Variants in OSBPL3 observed in about 807,000 individuals in gnomAD.
OSBPL3 encodes the protein oxysterol binding protein like 3.
In OSBPL3, 65 loss-of-function variants were observed where a neutral mutation model predicts 120.1. That is an observed-to-expected ratio of 0.54 (90% CI 0.44 to 0.67). The LOEUF (loss-of-function observed/expected upper bound fraction) is 0.67, where lower values mean the gene tolerates loss of function less well. Among genes scored for constraint, OSBPL3 ranks in the 30% least tolerant of loss-of-function variants. The pLI is 0.00. For synonymous variants in OSBPL3, 416 were observed against 402.6 expected, an observed-to-expected ratio of 1.03 and a Z score of -0.40; for missense variants, 1,004 against 1,082.1, an observed-to-expected ratio of 0.93 and a Z score of 1.01.
rs776929132 is a variant in OSBPL3, at chr7:24,896,632, T to C, written c.-149-4011A>G. 8.5e-5 allele frequency among the ~76,000 whole-genome samples: 13 copies of C among 152,234 alleles called. No homozygotes were observed. Among genetic ancestry groups the C allele is most frequent in the Non-Finnish European group, 1.6e-4 (11 of 68,038 alleles). On this transcript the variant is annotated intron_variant, in intron 1 of 22. Transcript: ENST00000313367. The surrounding 1 kb of genome is among the most constrained non-coding windows in gnomAD (Gnocchi z 4.4). Reference sequence around the variant, plus strand: ...GATGTAAAGGTGACATCACATACTATATATGTGTGCTGGAAGGAGTCAGAC... The same window carrying C: ...GATGTAAAGGTGACATCACATACTACATATGTGTGCTGGAAGGAGTCAGAC...
chr7:24,897,297 CA>C (rs1476533861), intron 1 of OSBPL3, among the ~76,000 whole-genome samples: 1 of 147,642 alleles, frequency 6.8e-6, no homozygotes, highest in African/African-American at 2.5e-5. Context: ...CCTTCAACTA[CA>C]AACAAATAAA....
rs1793075709 is a variant in OSBPL3 at position 24,806,627 on chromosome 7, AT to A, written c.2444+148del. 1 of 650,856 alleles carries A rather than the reference AT, an allele frequency of 1.5e-6. No homozygotes were observed. Among genetic ancestry groups the A allele is most frequent in the African/African-American group, 1.8e-5 (1 of 54,626 alleles). 40.3% of individuals were successfully genotyped at this position (650,856 alleles called of 1,614,324 possible). ...CTAGTTGGGCCCCATCTCCTCCGTG[AT>A]ACAATTGTTTAAAGCATCCCCACCT... On this transcript the variant is annotated intron_variant, in intron 21 of 22. Coordinates refer to ENST00000313367, the MANE Select transcript of OSBPL3 (RefSeq NM_015550.4). The surrounding 1 kb of genome is among the most constrained non-coding windows in gnomAD (Gnocchi z 5.2).
rs1388489827 is a variant in OSBPL3 at position 24,854,529 on chromosome 7, C to CACACAA, written c.1028-1896_1028-1895insTTGTGT. ...ACACACACACACACACACACACACA[C>CACACAA]ACACACACAAACACACACAATGGTG... On this transcript the variant is annotated intron_variant, in intron 10 of 22. Coordinates refer to ENST00000313367, the MANE Select transcript of OSBPL3 (RefSeq NM_015550.4). The surrounding 1 kb of genome is among the most constrained non-coding windows in gnomAD (Gnocchi z 4.1). Among the ~76,000 whole-genome samples the CACACAA allele has an allele frequency of 1.6e-4, 24 of 146,898 alleles. No individual in the cohort carries two copies. Among genetic ancestry groups the CACACAA allele is most frequent in the African/African-American group, 5.9e-4 (24 of 40,532 alleles).
chr7:24,824,472 G>A lies in OSBPL3; in HGVS notation c.1885-4234C>T, dbSNP rs1029278137. On this transcript the variant is annotated intron_variant, in intron 16 of 22. Transcript: ENST00000313367. The surrounding 1 kb of genome is among the most constrained non-coding windows in gnomAD (Gnocchi z 4.9). ...AGTTCTCCCCTGCAACTGCTCCAAG[G>A]CATAACTATCCAGTCCTCCTAGGTC... 2.6e-5 allele frequency among the ~76,000 whole-genome samples: 4 copies of A among 152,070 alleles called. No homozygotes were observed. Among genetic ancestry groups the A allele is most frequent in the Admixed American group, 2.6e-4 (4 of 15,268 alleles).
Position 24,849,254 on chromosome 7 carries a change from C to T in OSBPL3, c.1159-78G>A, listed in dbSNP as rs942131626. 48 of 1,064,902 alleles carry T rather than the reference C, an allele frequency of 4.5e-5. No individual in the cohort carries two copies. Among genetic ancestry groups the T allele is most frequent in the Non-Finnish European group, 6.4e-5 (45 of 705,544 alleles). 66.0% of individuals were successfully genotyped at this position (1,064,902 alleles called of 1,614,324 possible). On this transcript the variant is annotated intron_variant, in intron 11 of 22. Coordinates refer to ENST00000313367, the MANE Select transcript of OSBPL3 (RefSeq NM_015550.4). The surrounding 1 kb of genome is among the most constrained non-coding windows in gnomAD (Gnocchi z 5.4). ...AGCACAGCAGTGGGCCCTGCAGGAG[C>T]GATCTCTAAGAGCTTGATGAAACTC...
Position 24,922,897 on chromosome 7 carries a change from G to T in OSBPL3, c.-149-30276C>A, listed in dbSNP as rs551520118. Among the ~76,000 whole-genome samples the T allele has an allele frequency of 1.3e-5, 2 of 151,878 alleles. No individual in the cohort carries two copies. Among genetic ancestry groups the T allele is most frequent in the East Asian group, 3.9e-4 (2 of 5,166 alleles). On this transcript the variant is annotated intron_variant, in intron 1 of 22. Coordinates refer to ENST00000313367, the MANE Select transcript of OSBPL3 (RefSeq NM_015550.4). The surrounding 1 kb of genome is among the most constrained non-coding windows in gnomAD (Gnocchi z 4.3). ...AAAGCAAGCTTATTACTTTAGGGTCGATGCAGCAAACAAACAAAAAAGCAA... is the reference window on the plus strand; with the variant it reads ...AAAGCAAGCTTATTACTTTAGGGTCTATGCAGCAAACAAACAAAAAAGCAA...
At chr7:24,927,185 T>C (rs566440078) in intron 1 of OSBPL3, among the ~76,000 whole-genome samples, 1 of 152,324 alleles carries the variant, frequency 6.6e-6, no homozygotes, top group Admixed American at 6.5e-5. Context: ...TAGTCCTAGA[T>C]ATCTCTGAAA....
Position 24,798,972 on chromosome 7 carries a change from G to T in OSBPL3, c.*1211C>A, listed in dbSNP as rs548965257. 2 of 152,680 alleles carry T rather than the reference G, an allele frequency of 1.3e-5. No individual in the cohort carries two copies. Among genetic ancestry groups the T allele is most frequent in the South Asian group, 4.1e-4 (2 of 4,824 alleles). The allele number at this position is 152,680 out of a possible 1,614,324, so 9.5% of individuals were successfully genotyped here. A position where few individuals can be genotyped will look rare whatever the true frequency, so the allele number is the denominator to read the frequency against. On this transcript the variant is annotated 3_prime_UTR_variant, in exon 23 of 23. Transcript: ENST00000313367. This position sits in a 1 kb window ranked among gnomAD's most constrained non-coding sequence, Gnocchi z 4.6. The stretch of plus-strand genomic sequence containing the variant: ...TAAAAAGACGAAGGTTCCCCTTTCA[G>T]TAGTTATAATCTGTATTATTCAAGA...
Position 24,831,675 on chromosome 7 carries a change from C to T in OSBPL3, c.1747-770G>A, listed in dbSNP as rs543126160. 6.6e-6 allele frequency among the ~76,000 whole-genome samples: 1 copy of T among 152,308 alleles called. No individual in the cohort carries two copies. Among genetic ancestry groups the T allele is most frequent in the East Asian group, 1.9e-4 (1 of 5,188 alleles). On this transcript the variant is annotated intron_variant, in intron 15 of 22. Coordinates refer to ENST00000313367, the MANE Select transcript of OSBPL3 (RefSeq NM_015550.4). The surrounding 1 kb of genome is among the most constrained non-coding windows in gnomAD (Gnocchi z 4.0). ...TCCATGTATGTAACAACAGTTAAGC[C>T]TAAGCAGGGATGTCCAATTTTCCTT...
In OSBPL3 at chr7:24,938,468, G is replaced by A. The variant is rs1812676583; in HGVS notation, c.-150+41418C>T. Among the ~76,000 whole-genome samples the A allele has an allele frequency of 6.6e-6, 1 of 152,172 alleles. No homozygotes were observed. Among genetic ancestry groups the A allele is most frequent in the Admixed American group, 6.5e-5 (1 of 15,282 alleles). On this transcript the variant is annotated intron_variant, in intron 1 of 22. Coordinates refer to ENST00000313367, the MANE Select transcript of OSBPL3 (RefSeq NM_015550.4). The surrounding 1 kb of genome is among the most constrained non-coding windows in gnomAD (Gnocchi z 5.8). ...AAAATCCACAGGTAGGCATTCCAAA[G>A]CTGATATGGCAGCTTCATGGTTATA...
chr7:24,858,621 T>C (rs1348390928), intron 10 of OSBPL3, among the ~76,000 whole-genome samples: 1 of 152,240 alleles, frequency 6.6e-6, no homozygotes, highest in Non-Finnish European at 1.5e-5. Flanking sequence ...CTCAGGCAAC[T>C]GTTGAATAAG....
At chr7:24,874,825 T>G (rs757357899) in intron 2 of OSBPL3, among the ~76,000 whole-genome samples, 15 of 152,178 alleles carry the variant, frequency 9.9e-5, no homozygotes, top group Non-Finnish European at 1.5e-4. Flanking sequence ...ACCAACTCCT[T>G]TTCTGGACTG....
At chr7:24,902,701 A>AATAATAATAATAATAAT (rs372642745) in intron 1 of OSBPL3, among the ~76,000 whole-genome samples, 12 of 144,030 alleles carry the variant, frequency 8.3e-5, no homozygotes, top group African/African-American at 2.0e-4. Context: ...AAGAGAAAAT[A>AATAATAATAATAATAAT]AATAATAATA....
intron 1 of OSBPL3, among the ~76,000 whole-genome samples, chr7:24,928,996 G>C (rs1811444594): frequency 6.6e-6 from 1 of 152,084 alleles, no homozygotes; most frequent in African/African-American, 2.4e-5. Context: ...CTTTCTCTTG[G>C]GTAAATACAA....
intron 16 of OSBPL3, among the ~76,000 whole-genome samples, chr7:24,823,400 T>C (rs935823745): frequency 1.3e-5 from 2 of 152,162 alleles, no homozygotes; most frequent in Admixed American, 1.3e-4. Flanking sequence ...TTTCACTTAG[T>C]TCTTAGGGCA....
intron 1 of OSBPL3, among the ~76,000 whole-genome samples, chr7:24,926,034 C>T (rs941458873): frequency 6.6e-6 from 1 of 152,182 alleles, no homozygotes; most frequent in Non-Finnish European, 1.5e-5. Context: ...GATGAAGAGG[C>T]AGACGCTACT....
In OSBPL3 at chr7:24,929,730, G is replaced by A. The variant is rs144385451; in HGVS notation, c.-149-37109C>T. Among the ~76,000 whole-genome samples the A allele has an allele frequency of 2.0e-3, 297 of 152,136 alleles. 1 individual carries two copies. Among genetic ancestry groups the A allele is most frequent in the Non-Finnish European group, 2.4e-3 (163 of 68,016 alleles). On this transcript the variant is annotated intron_variant, in intron 1 of 22. Coordinates refer to ENST00000313367, the MANE Select transcript of OSBPL3 (RefSeq NM_015550.4). ...TTTGATGTGAACATTAATGCATTCC[G>A]TTTATAGTCATCTGAGTTTAATTCC...
rs556102285 is a variant in OSBPL3, at chr7:24,848,718, A to G, written c.1266+351T>C. On this transcript the variant is annotated intron_variant, in intron 12 of 22. Transcript: ENST00000313367. The stretch of plus-strand genomic sequence containing the variant: ...GAACCAAGATACTGCAGGTCAGAGA[A>G]ACGTAGGTTTCTTCAGTAGTAACAA... Among the ~76,000 whole-genome samples the G allele has an allele frequency of 4.9e-4, 75 of 152,294 alleles. No individual in the cohort carries two copies. In the South Asian group the frequency reaches 0.014, roughly 28 times the overall value.
chr7:24,809,421 T>C (rs1364374863), intron 20 of OSBPL3, among the ~76,000 whole-genome samples: 1 of 152,190 alleles, frequency 6.6e-6, no homozygotes, highest in Non-Finnish European at 1.5e-5. Context: ...GTAGGTCTCC[T>C]GGGTCACTGC....
Sources: allele counts gnomAD v4.1 joint callset (sites outside exome capture counted in the v4.1 genomes callset), GRCh38; gene constraint gnomAD v4.1.1; non-coding constraint Gnocchi (gnomAD v3.1); transcripts MANE v1.5; gene names NCBI Gene and HGNC (gene_info 2026-07-23, HGNC 2026-07-21).